Variants in SLC35F4 observed in about 807,000 individuals in gnomAD.
The protein encoded by SLC35F4 is solute carrier family 35 member F4.
A neutral mutation model predicts 44.2 loss-of-function variants in SLC35F4; 24 were observed. The ratio of observed to expected loss-of-function variants is 0.54; its 90% CI spans 0.39 to 0.76. The LOEUF (loss-of-function observed/expected upper bound fraction) is 0.76. Ranked by LOEUF, SLC35F4 falls within the 30% of genes least tolerant of loss-of-function variation. SLC35F4 has a pLI of 0.00. For synonymous variants in SLC35F4, 238 were observed against 223.6 expected (o/e 1.06, Z -0.57); for missense variants, 562 against 586.1 (o/e 0.96, Z 0.42).
At chr14:57,804,795 G>T (rs181950113) in intron 1 of SLC35F4, among the ~76,000 whole-genome samples, 1 of 152,282 alleles carries the variant, frequency 6.6e-6, no homozygotes, top group African/African-American at 2.4e-5. Context: ...TAGAGCTTCT[G>T]CACAGCAAAA....
At chr14:57,916,875 C>T (rs961004882) in intron 1 of SLC35F4, among the ~76,000 whole-genome samples, 6 of 152,130 alleles carry the variant, frequency 3.9e-5, no homozygotes, top group African/African-American at 7.2e-5. Context: ...TATTGTCAAT[C>T]CTCAAGCTCA....
At chr14:57,884,343 T>A (rs977511490) in intron 1 of SLC35F4, among the ~76,000 whole-genome samples, 1 of 152,164 alleles carries the variant, frequency 6.6e-6, no homozygotes, top group African/African-American at 2.4e-5. Flanking sequence ...GTATATTTAG[T>A]TATACAATAA....
chr14:57,886,679 G>C (rs147708980), intron 1 of SLC35F4, among the ~76,000 whole-genome samples: 112 of 152,150 alleles, frequency 7.4e-4, no homozygotes, highest in African/African-American at 2.5e-3. Flanking sequence ...AGTTCCCATT[G>C]GTTCTTTGTA....
chr14:57,934,967 C>T (rs2141068462), intron 1 of SLC35F4, among the ~76,000 whole-genome samples: 1 of 152,274 alleles, frequency 6.6e-6, no homozygotes, highest in South Asian at 2.1e-4. Context: ...TCCCTGTGCA[C>T]TGAATTACCA....
chr14:57,611,066 C>T (rs992763902), intron 1 of SLC35F4, among the ~76,000 whole-genome samples: 3 of 152,100 alleles, frequency 2.0e-5, no homozygotes, highest in African/African-American at 7.2e-5. Context: ...TATGGGCAAA[C>T]TGGGACTTAA....
intron 1 of SLC35F4, among the ~76,000 whole-genome samples, chr14:57,742,451 C>G (rs927242532): frequency 2.0e-5 from 3 of 152,164 alleles, no homozygotes; most frequent in East Asian, 3.9e-4. Context: ...AGACTTTAAA[C>G]CAACAAAGAT....
intron 1 of SLC35F4, among the ~76,000 whole-genome samples, chr14:57,783,390 C>T (rs1404565937): frequency 6.6e-6 from 1 of 151,268 alleles, no homozygotes; most frequent in African/African-American, 2.4e-5. Context: ...ACAACAGTCT[C>T]CTATTCTGGA....
At chr14:57,738,440 T>G (rs575512197) in intron 1 of SLC35F4, among the ~76,000 whole-genome samples, 91 of 152,216 alleles carry the variant, frequency 6.0e-4, no homozygotes, top group African/African-American at 2.2e-3. Context: ...GTTCTCCATT[T>G]GATTCTCACT....
chr14:57,636,692 T>C (rs948000326), intron 1 of SLC35F4, among the ~76,000 whole-genome samples: 55 of 152,208 alleles, frequency 3.6e-4, no homozygotes, highest in African/African-American at 1.3e-3. Flanking sequence ...CTGCTTGCAG[T>C]CTACTGATAT....
intron 1 of SLC35F4, among the ~76,000 whole-genome samples, chr14:57,930,482 T>C (rs1485081858): frequency 6.6e-6 from 1 of 152,182 alleles, no homozygotes; most frequent in Non-Finnish European, 1.5e-5. Flanking sequence ...TCCAGATTTT[T>C]GATTCATCAC....
chr14:57,807,396 C>G (rs1881453310), intron 1 of SLC35F4, among the ~76,000 whole-genome samples: 1 of 151,942 alleles, frequency 6.6e-6, no homozygotes, highest in South Asian at 2.1e-4. Context: ...AGAGCCAAAG[C>G]CGTTGCCTCC....
chr14:57,906,482 C>T (rs1024980725), intron 1 of SLC35F4, among the ~76,000 whole-genome samples: 2 of 152,136 alleles, frequency 1.3e-5, no homozygotes, highest in Non-Finnish European at 2.9e-5. Flanking sequence ...CCTAACAGGA[C>T]ATTTGAATTG....
Position 57,564,109 on chromosome 14 carries a change from C to G in SLC35F4, c.*26G>C. 2 of 1,610,822 alleles carry G rather than the reference C, an allele frequency of 1.2e-6. No homozygotes were observed. The highest frequency in any genetic ancestry group is 1.3e-5 in the African/African-American group (1 of 74,976). On this transcript the variant is annotated 3_prime_UTR_variant, in exon 8 of 8. Coordinates refer to ENST00000556826, the MANE Select transcript of SLC35F4 (RefSeq NM_001306087.2). ...TTGTTATATTCACAGAATATACATA[C>G]ACGTGCATTCAAAATATGTCCCTCT...
At chr14:57,836,362 A>C (rs1429072673) in intron 1 of SLC35F4, among the ~76,000 whole-genome samples, 1 of 152,114 alleles carries the variant, frequency 6.6e-6, no homozygotes, top group Non-Finnish European at 1.5e-5. Flanking sequence ...GCGCGATCTC[A>C]GCTCACTGCA....
At chr14:57,797,817 A>G (rs1264194278) in intron 1 of SLC35F4, among the ~76,000 whole-genome samples, 1 of 152,162 alleles carries the variant, frequency 6.6e-6, no homozygotes, top group African/African-American at 2.4e-5. Context: ...TATCCTTGCC[A>G]TATATCTTGA....
In SLC35F4 at chr14:57,940,857, C is replaced by A. The variant is rs73304464; in HGVS notation, n.282+41056G>T. On this transcript the variant is annotated intron_variant and non_coding_transcript_variant, in intron 1 of 1. Transcript: ENST00000556568. Reference sequence around the variant, plus strand: ...CCATGATCTCAGGCCCCACTCCCTCCCAGGTTCAAAGGCAGTAATGCTTTC... The same window carrying A: ...CCATGATCTCAGGCCCCACTCCCTCACAGGTTCAAAGGCAGTAATGCTTTC... Among the ~76,000 whole-genome samples, 1,344 of 152,250 alleles carry A rather than the reference C, an allele frequency of 8.8e-3. 17 individuals carry two copies. The highest frequency in any genetic ancestry group is 0.031 in the African/African-American group (1,276 of 41,534).
Position 57,854,489 on chromosome 14 carries a change from C to A in SLC35F4, c.103+11234G>T, listed in dbSNP as rs927248. Reference sequence around the variant, plus strand: ...TTTAACACTCCATGTATGAAAGGAACAATGCTACTTCCAATGGACATTCCC... The same window carrying A: ...TTTAACACTCCATGTATGAAAGGAAAAATGCTACTTCCAATGGACATTCCC... On this transcript the variant is annotated intron_variant, in intron 1 of 7. Coordinates refer to ENST00000556826, the MANE Select transcript of SLC35F4 (RefSeq NM_001306087.2). 0.023 allele frequency among the ~76,000 whole-genome samples: 3,567 copies of A among 152,196 alleles called. 438 individuals are homozygous for A. In the East Asian group the frequency reaches 0.4, roughly 17 times the overall value.
chr14:57,898,380 G>A (rs1043242818), intron 1 of SLC35F4, among the ~76,000 whole-genome samples: 1 of 152,170 alleles, frequency 6.6e-6, no homozygotes, highest in African/African-American at 2.4e-5. Flanking sequence ...GACATACAAC[G>A]ATTTTCTGTC....
chr14:57,672,874 T>C (rs769640387), intron 1 of SLC35F4, among the ~76,000 whole-genome samples: 9 of 151,640 alleles, frequency 5.9e-5, no homozygotes, highest in Non-Finnish European at 1.3e-4. Context: ...TGAAACAGAG[T>C]AGGTTTTTTG....
Sources: gnomAD v4.1 joint callset for allele counts (sites outside exome capture counted in the v4.1 genomes callset) on GRCh38, gnomAD v4.1.1 for gene constraint, MANE v1.5 for transcripts, NCBI Gene and HGNC (gene_info 2026-07-23, HGNC 2026-07-21) for gene names.